Variants in DLG2 observed in about 807,000 individuals in gnomAD.
The protein encoded by DLG2 is disks large homolog 2.
In DLG2, 45 loss-of-function variants were observed where a neutral mutation model predicts 132.5. That is an observed-to-expected ratio of 0.34 (90% confidence interval 0.27 to 0.44). The LOEUF is 0.44. Among genes scored for constraint, DLG2 ranks in the 20% least tolerant of loss-of-function variants. The pLI, the probability that DLG2 is intolerant of heterozygous loss-of-function variation, is 1.00. For missense variants in DLG2, 1,045 were observed against 1,196.9 expected (o/e 0.87, Z 1.87); for synonymous variants, 424 against 419.6 (o/e 1.01, Z -0.13).
intron 21 of DLG2, among the ~76,000 whole-genome samples, chr11:83,510,772 G>C (rs900053012): frequency 1.1e-4 from 17 of 149,142 alleles, no homozygotes; most frequent in Non-Finnish European, 2.1e-4. Flanking sequence ...AGTCAGAGGA[G>C]TGAATCACAT....
At chr11:84,449,293 T>A (rs2099044548) in intron 7 of DLG2, among the ~76,000 whole-genome samples, 1 of 151,856 alleles carries the variant, frequency 6.6e-6, no homozygotes, top group South Asian at 2.1e-4. Context: ...AATGAAAACA[T>A]ACAAATCATT....
At chr11:84,156,336 T>C (rs1349496207) in intron 9 of DLG2, among the ~76,000 whole-genome samples, 1 of 152,170 alleles carries the variant, frequency 6.6e-6, no homozygotes, top group Admixed American at 6.5e-5. Flanking sequence ...ATTAATAGCT[T>C]ATATAACCCC....
At chr11:84,976,138 G>A (rs1440155591) in intron 6 of DLG2, among the ~76,000 whole-genome samples, 4 of 152,042 alleles carry the variant, frequency 2.6e-5, no homozygotes, top group African/African-American at 4.8e-5. Context: ...ATGGCATTAT[G>A]TCTTATGACT....
intron 15 of DLG2, among the ~76,000 whole-genome samples, chr11:83,898,642 C>A (rs1341940558): frequency 6.6e-6 from 1 of 151,208 alleles, no homozygotes; most frequent in Non-Finnish European, 1.5e-5. Context: ...AGTATTTTTT[C>A]CAATAATCAA....
chr11:85,207,375 A>G (rs1169554029), intron 4 of DLG2, among the ~76,000 whole-genome samples: 1 of 152,198 alleles, frequency 6.6e-6, no homozygotes, highest in Non-Finnish European at 1.5e-5. Context: ...AATTCTCTCT[A>G]AAGTACTAAT....
At chr11:85,227,309 T>A (rs912955130) in intron 4 of DLG2, among the ~76,000 whole-genome samples, 5 of 151,922 alleles carry the variant, frequency 3.3e-5, no homozygotes, top group Non-Finnish European at 7.4e-5. Flanking sequence ...CAAGAAAAAA[T>A]TTTTAATAAA....
At chr11:84,023,984 C>T (rs1325435422) in intron 11 of DLG2, among the ~76,000 whole-genome samples, 1 of 152,014 alleles carries the variant, frequency 6.6e-6, no homozygotes, top group Non-Finnish European at 1.5e-5. Context: ...ATATAACATA[C>T]AAAATATGTG....
chr11:84,140,308 G>T (rs1595989325), intron 9 of DLG2, among the ~76,000 whole-genome samples: 4 of 152,116 alleles, frequency 2.6e-5, no homozygotes, highest in African/African-American at 9.6e-5. Flanking sequence ...GCACTTTGGA[G>T]AATAAAATGA....
intron 6 of DLG2, among the ~76,000 whole-genome samples, chr11:84,822,164 A>G (rs1455358862): frequency 6.6e-6 from 1 of 151,872 alleles, no homozygotes; most frequent in African/African-American, 2.4e-5. Context: ...CAAGAGCCAC[A>G]TCTAGTCTCT....
At chr11:85,258,542 C>A (rs540492928) in intron 4 of DLG2, among the ~76,000 whole-genome samples, 2 of 152,138 alleles carry the variant, frequency 1.3e-5, no homozygotes, top group South Asian at 4.1e-4. Context: ...CATTTCAATA[C>A]ACCTTTACTG....
At chr11:84,239,592 G>A (rs954702466) in intron 8 of DLG2, among the ~76,000 whole-genome samples, 9 of 151,146 alleles carry the variant, frequency 6.0e-5, no homozygotes, top group Admixed American at 1.3e-4. Flanking sequence ...CTGCAACAAT[G>A]GCCAATGGCC....
chr11:85,193,698 T>C (rs580652), intron 4 of DLG2, among the ~76,000 whole-genome samples: 25,755 of 152,200 alleles, frequency 0.17, 2,796 homozygotes, highest in East Asian at 0.32. Context: ...GTATTCAAAT[T>C]CTTTGCCCAT....
chr11:85,234,949 T>A (rs531762129), intron 4 of DLG2, among the ~76,000 whole-genome samples: 26 of 152,120 alleles, frequency 1.7e-4, no homozygotes, highest in African/African-American at 6.3e-4. Flanking sequence ...AGGAAAATTA[T>A]CGTGTTACTA....
Position 83,792,830 on chromosome 11 carries a change from A to C in DLG2, c.1723-6038T>G, listed in dbSNP as rs975488500. ...TCATCTAACAGTAAGTTGTTGAGTA[A>C]AGGATATGAATGTCAAATTTTGATA... On this transcript the variant is annotated intron_variant, in intron 17 of 27. Coordinates refer to ENST00000376104, the MANE Select transcript of DLG2 (RefSeq NM_001142699.3). Among the ~76,000 whole-genome samples, 3 of 152,146 alleles carry C rather than the reference A, an allele frequency of 2.0e-5. 1 individual carries two copies. Among genetic ancestry groups the C allele is most frequent in the Admixed American group, 2.0e-4 (3 of 15,278 alleles).
chr11:83,889,938 C>T (rs1453753911), intron 15 of DLG2, among the ~76,000 whole-genome samples: 2 of 123,832 alleles, frequency 1.6e-5, no homozygotes, highest in Non-Finnish European at 3.1e-5. Flanking sequence ...GGAAGGGGAA[C>T]ATCACACTCT....
At chr11:83,798,650 C>T (rs1009683981) in intron 17 of DLG2, among the ~76,000 whole-genome samples, 3 of 152,038 alleles carry the variant, frequency 2.0e-5, no homozygotes, top group African/African-American at 7.2e-5. Context: ...CTGTTTCAAG[C>T]CAATAATTTC....
At chr11:84,017,537 G>C (rs1163766734) in intron 11 of DLG2, among the ~76,000 whole-genome samples, 1 of 151,958 alleles carries the variant, frequency 6.6e-6, no homozygotes, top group African/African-American at 2.4e-5. Context: ...TGAATAAAGA[G>C]AGCTACAAAT....
chr11:84,068,184 G>T (rs555028956), intron 10 of DLG2, among the ~76,000 whole-genome samples: 3 of 152,338 alleles, frequency 2.0e-5, no homozygotes, highest in Admixed American at 6.5e-5. Flanking sequence ...AGAAGTATGG[G>T]CTTCGGACAG....
At chr11:84,281,455 T>C (rs1249883627) in intron 7 of DLG2, among the ~76,000 whole-genome samples, 1 of 152,042 alleles carries the variant, frequency 6.6e-6, no homozygotes, top group Non-Finnish European at 1.5e-5. Context: ...AAAATTATTA[T>C]TATACTTTAA....
Sources: gnomAD v4.1 joint callset for allele counts (sites outside exome capture counted in the v4.1 genomes callset) on GRCh38, gnomAD v4.1.1 for gene constraint, MANE v1.5 for transcripts, NCBI Gene and HGNC (gene_info 2026-07-23, HGNC 2026-07-21) for gene names.